The following ARHGAP6 variants were observed in gnomAD, a reference collection of about 807,000 sequenced individuals.
ARHGAP6 encodes Rho GTPase activating protein 6.
Under a neutral mutation model 55.7 loss-of-function variants are expected in ARHGAP6, and 16 were observed. The observed-to-expected ratio is 0.29, with a 90% CI of 0.19 to 0.44. ARHGAP6 has a LOEUF of 0.44. Among genes scored for constraint, ARHGAP6 ranks in the 20% least tolerant of loss-of-function variants. The pLI, the probability that ARHGAP6 is intolerant of heterozygous loss-of-function variation, is 1.00. For synonymous variants in ARHGAP6, 382 were observed against 360.9 expected, an observed-to-expected ratio of 1.06 and a Z score of -0.66; for missense variants, 698 against 808.9, an observed-to-expected ratio of 0.86 and a Z score of 1.66.
intron 1 of ARHGAP6, among the ~76,000 whole-genome samples, chrX:11,428,215 CCTT>C (rs2049909030): frequency 8.9e-6 from 1 of 112,040 alleles, no homozygotes; most frequent in Non-Finnish European, 1.9e-5. Flanking sequence ...TTCTAGAAAG[CCTT>C]CTTCTGTGAG....
chrX:11,607,813 G>T (rs771722102), intron 1 of ARHGAP6, among the ~76,000 whole-genome samples: 3 of 112,232 alleles, frequency 2.7e-5, no homozygotes, highest in Admixed American at 9.5e-5. Flanking sequence ...CAAATAATTT[G>T]TAATCTTCTG....
chrX:11,396,996 A>G (rs1391264665), intron 1 of ARHGAP6, among the ~76,000 whole-genome samples: 1 of 111,418 alleles, frequency 9.0e-6, no homozygotes, highest in East Asian at 2.8e-4. Context: ...CATCTTTGGG[A>G]GGCCAAGTAG....
intron 1 of ARHGAP6, among the ~76,000 whole-genome samples, chrX:11,465,947 T>C (rs953823242): frequency 3.6e-5 from 4 of 110,119 alleles, no homozygotes; most frequent in African/African-American, 9.9e-5. Flanking sequence ...CTCCTCTTCC[T>C]CCTCCTCCTC....
chrX:11,408,099 AT>A (rs1569332636), intron 1 of ARHGAP6, among the ~76,000 whole-genome samples: 2 of 111,109 alleles, frequency 1.8e-5, no homozygotes, highest in Non-Finnish European at 3.8e-5. Context: ...CTTAAAAAAA[AT>A]CAAAACAACA....
intron 1 of ARHGAP6, among the ~76,000 whole-genome samples, chrX:11,467,622 C>T (rs868013966): frequency 4.5e-5 from 5 of 111,542 alleles, no homozygotes; most frequent in Admixed American, 1.9e-4. Context: ...ACAAATATAA[C>T]GATAAGCAAA....
chrX:11,309,037 G>A (rs1450911873), intron 1 of ARHGAP6, among the ~76,000 whole-genome samples: 2 of 111,766 alleles, frequency 1.8e-5, no homozygotes, highest in Admixed American at 1.9e-4. Context: ...GATGTTAAAA[G>A]AGACTCAAGC....
At chrX:11,371,001 T>C (rs768075919) in intron 1 of ARHGAP6, among the ~76,000 whole-genome samples, 24 of 112,205 alleles carry the variant, frequency 2.1e-4, no homozygotes, top group African/African-American at 7.4e-4. Context: ...ATAACTAATT[T>C]ATATTTTCCA....
At chrX:11,556,511 T>C (rs2051321482) in intron 1 of ARHGAP6, among the ~76,000 whole-genome samples, 1 of 112,406 alleles carries the variant, frequency 8.9e-6, no homozygotes, top group South Asian at 3.7e-4. Flanking sequence ...CTTCCTGCAA[T>C]GGACCCATTC....
At chrX:11,328,364 C>T (rs190901802) in intron 1 of ARHGAP6, among the ~76,000 whole-genome samples, 22 of 111,783 alleles carry the variant, frequency 2.0e-4, no homozygotes, top group African/African-American at 5.5e-4. Context: ...AGCCAGCCTC[C>T]GATAGATTCT....
chrX:11,572,719 G>T (rs992616563), intron 1 of ARHGAP6, among the ~76,000 whole-genome samples: 12 of 111,868 alleles, frequency 1.1e-4, no homozygotes, highest in African/African-American at 3.9e-4. Context: ...TGGGAAGGCT[G>T]GGTCAAATGG....
intron 2 of ARHGAP6, among the ~76,000 whole-genome samples, chrX:11,244,700 A>G (rs140020325): frequency 3.6e-5 from 4 of 112,396 alleles, no homozygotes; most frequent in East Asian, 5.6e-4. Context: ...TGATCCCAAA[A>G]GAGAATATAG....
At chrX:11,561,131 T>G (rs2147095801) in intron 1 of ARHGAP6, among the ~76,000 whole-genome samples, 2 of 112,148 alleles carry the variant, frequency 1.8e-5, no homozygotes, top group East Asian at 5.5e-4. Context: ...ATTTATCCCT[T>G]ACAGAAGATG....
chrX:11,361,895 C>T (rs1168284290), intron 1 of ARHGAP6, among the ~76,000 whole-genome samples: 1 of 112,240 alleles, frequency 8.9e-6, no homozygotes, highest in Non-Finnish European at 1.9e-5. Flanking sequence ...CCAAAAGACA[C>T]ACGACAAAAT....
Position 11,156,429 on chromosome X carries a change from G to A in ARHGAP6, c.1907+100C>T, listed in dbSNP as rs1050359360. 1.3e-5 allele frequency: 10 copies of A among 754,008 alleles called. No homozygotes were observed. The African/African-American group carries it at 2.1e-4, about 16-fold the overall frequency. 62.1% of individuals were successfully genotyped at this position (754,008 alleles called of 1,213,427 possible). On this transcript the variant is annotated intron_variant, in intron 10 of 12. Coordinates refer to ENST00000337414, the MANE Select transcript of ARHGAP6 (RefSeq NM_013427.3). Reference sequence around the variant, plus strand: ...AAAGAGTTGCCAAAATTCCACTTCAGGTCACCCTGCATGTACTTATGTAAA... The same window carrying A: ...AAAGAGTTGCCAAAATTCCACTTCAAGTCACCCTGCATGTACTTATGTAAA...
chrX:11,304,777 CTTTTTTTTTTT>C (rs953912280), intron 1 of ARHGAP6, among the ~76,000 whole-genome samples: 10 of 50,288 alleles, frequency 2.0e-4, no homozygotes, highest in East Asian at 9.1e-4. Flanking sequence ...CTTTCTTTTA[CTTTTTTTTTTT>C]TTTTTTTTTT....
chrX:11,162,677 G>A (rs1003845530), intron 9 of ARHGAP6, among the ~76,000 whole-genome samples: 1 of 106,555 alleles, frequency 9.4e-6, no homozygotes, highest in African/African-American at 3.4e-5. Context: ...CATGTGTTAC[G>A]TTGCCCTTGT....
chrX:11,216,014 C>CACGT (rs1207284916), intron 2 of ARHGAP6, among the ~76,000 whole-genome samples: 1 of 111,559 alleles, frequency 9.0e-6, no homozygotes, highest in African/African-American at 3.3e-5. Flanking sequence ...AGGGATCTGA[C>CACGT]ACGTAGTGCC....
intron 2 of ARHGAP6, among the ~76,000 whole-genome samples, chrX:11,215,076 G>A (rs1448755007): frequency 8.8e-6 from 1 of 113,269 alleles, no homozygotes; most frequent in South Asian, 3.6e-4. Flanking sequence ...CCAGGGCCCA[G>A]GAGCAGCCCC....
chrX:11,211,451 C>T (rs1287307777), intron 2 of ARHGAP6, among the ~76,000 whole-genome samples: 1 of 110,839 alleles, frequency 9.0e-6, no homozygotes, highest in Non-Finnish European at 1.9e-5. Flanking sequence ...AGGATGTTCT[C>T]AATCTCCTGA....
Sources: allele counts gnomAD v4.1 joint callset (sites outside exome capture counted in the v4.1 genomes callset), GRCh38; gene constraint gnomAD v4.1.1; transcripts MANE v1.5; gene names NCBI Gene and HGNC (gene_info 2026-07-23, HGNC 2026-07-21).